Variants in CCDC171 observed in about 807,000 individuals in gnomAD.
The protein encoded by CCDC171 is coiled-coil domain containing 171.
Under a neutral mutation model 168.2 loss-of-function variants are expected in CCDC171, and 177 were observed. The observed-to-expected ratio is 1.05, with a 90% CI of 0.93 to 1.19. CCDC171 has a LOEUF of 1.19. CCDC171 is among the 50% of genes most tolerant of loss of function. The probability of loss-of-function intolerance (pLI) is 0.00; values close to 1 mark genes in which losing one functional copy is unlikely to be tolerated. For synonymous variants in CCDC171, 687 were observed against 540.8 expected (o/e 1.27, Z -3.75); for missense variants, 1,991 against 1,539.0 (o/e 1.29, Z -4.91).
At chr9:15,708,001 C>G (rs909674351) in intron 11 of CCDC171, among the ~76,000 whole-genome samples, 2 of 152,172 alleles carry the variant, frequency 1.3e-5, no homozygotes, top group East Asian at 3.9e-4. Flanking sequence ...GCATCCAGCA[C>G]TACGCCTGGC....
chr9:15,872,836 A>T (rs2131202267), intron 23 of CCDC171, among the ~76,000 whole-genome samples: 1 of 152,148 alleles, frequency 6.6e-6, no homozygotes, highest in East Asian at 1.9e-4. Context: ...ATCTGAGTGC[A>T]CATTGGTGAC....
chr9:15,748,290 A>T (rs908598742), intron 18 of CCDC171, among the ~76,000 whole-genome samples: 40 of 152,236 alleles, frequency 2.6e-4, no homozygotes, highest in Non-Finnish European at 5.3e-4. Context: ...AGTAAAAAAA[A>T]TGAACAAAGC....
chr9:16,106,214 A>G, the CCDC171 span, among the ~76,000 whole-genome samples: 1 of 152,230 alleles, frequency 6.6e-6, no homozygotes, highest in Non-Finnish European at 1.5e-5. Context: ...GAAAGGCTCC[A>G]TGTTTTTGTG....
At chr9:15,994,341 A>T (rs1344098486) in intron 3 of CCDC171, among the ~76,000 whole-genome samples, 2 of 152,206 alleles carry the variant, frequency 1.3e-5, no homozygotes, top group Non-Finnish European at 2.9e-5. Flanking sequence ...CAAGGACAAA[A>T]ATCCAAACAC....
At chr9:15,584,936 A>G (rs529389371) in intron 4 of CCDC171, among the ~76,000 whole-genome samples, 1 of 152,316 alleles carries the variant, frequency 6.6e-6, no homozygotes, top group African/African-American at 2.4e-5. Flanking sequence ...GAGTCAAACA[A>G]TTTCAACAGA....
intron 2 of CCDC171, among the ~76,000 whole-genome samples, chr9:15,567,278 C>T (rs1401824589): frequency 1.3e-5 from 2 of 152,122 alleles, no homozygotes; most frequent in Admixed American, 6.5e-5. Context: ...CCTCAGCCTC[C>T]CACAGTGCTG....
At chr9:15,999,264 GAGAA>G (rs1052096957) in intron 3 of CCDC171, among the ~76,000 whole-genome samples, 121 of 146,178 alleles carry the variant, frequency 8.3e-4, no homozygotes, top group Middle Eastern at 3.5e-3. Flanking sequence ...AAGAGAGAAA[GAGAA>G]AGAAAGAAAG....
At chr9:16,063,712 T>C (rs1833960798), downstream of CCDC171, among the ~76,000 whole-genome samples, 1 of 152,202 alleles carries the variant, frequency 6.6e-6, no homozygotes, top group African/African-American at 2.4e-5. Flanking sequence ...TGCCTTTTGT[T>C]CATAGATAGT....
intron 24 of CCDC171, among the ~76,000 whole-genome samples, chr9:15,880,245 T>C (rs935523262): frequency 6.6e-6 from 1 of 152,202 alleles, no homozygotes; most frequent in African/African-American, 2.4e-5. Context: ...ATCATTTTAA[T>C]AGTAAGTTAT....
rs1267650068 is a variant in CCDC171 at position 15,742,942 on chromosome 9, T to C, written c.2050-1331T>C. 2.6e-5 allele frequency among the ~76,000 whole-genome samples: 4 copies of C among 152,046 alleles called. No homozygotes were observed. In the East Asian group the frequency reaches 7.7e-4, roughly 29 times the overall value. The stretch of plus-strand genomic sequence containing the variant: ...CACATACCACCCTACTTGGCTGATA[T>C]TTTTAAATTTTTTTTTTGTAGAGAC... On this transcript the variant is annotated intron_variant, in intron 16 of 25. Coordinates refer to ENST00000380701, the MANE Select transcript of CCDC171 (RefSeq NM_173550.4).
intron 4 of CCDC171, among the ~76,000 whole-genome samples, chr9:15,590,767 CTTTCTCTTTCTTTCTT>C (rs1233255369): frequency 1.8e-5 from 2 of 113,642 alleles, no homozygotes; most frequent in African/African-American, 6.0e-5. Context: ...TTCTTTCTTT[CTTTCTCTTTCTTTCTT>C]TCTTTCTTTC....
chr9:15,845,304 C>A (rs949621323), intron 21 of CCDC171, among the ~76,000 whole-genome samples: 31 of 151,980 alleles, frequency 2.0e-4, no homozygotes, highest in Admixed American at 2.0e-3. Flanking sequence ...TTGTGAAGAT[C>A]TGTTAATAGT....
chr9:15,663,063 G>A (rs2048448748), intron 8 of CCDC171, among the ~76,000 whole-genome samples: 1 of 152,200 alleles, frequency 6.6e-6, no homozygotes, highest in African/African-American at 2.4e-5. Flanking sequence ...CCGCAAAGTA[G>A]ATAGTCTAGT....
At chr9:16,050,914 C>T (rs1390286650) in intron 1 of CCDC171, among the ~76,000 whole-genome samples, 3 of 152,154 alleles carry the variant, frequency 2.0e-5, no homozygotes, top group Admixed American at 6.5e-5. Context: ...CAATTACCAA[C>T]CATAGTGAAG....
At chr9:15,805,546 T>C (rs2059034303) in intron 21 of CCDC171, among the ~76,000 whole-genome samples, 1 of 152,152 alleles carries the variant, frequency 6.6e-6, no homozygotes, top group African/African-American at 2.4e-5. Flanking sequence ...CATGTAATTG[T>C]GTGTTTTCCA....
intron 24 of CCDC171, among the ~76,000 whole-genome samples, chr9:15,917,345 A>G (rs1824669498): frequency 6.6e-6 from 1 of 151,802 alleles, no homozygotes; most frequent in African/African-American, 2.4e-5. Context: ...TGTATTGATC[A>G]TTGTACCTTG....
intron 21 of CCDC171, among the ~76,000 whole-genome samples, chr9:15,843,891 T>A (rs2060791795): frequency 6.6e-6 from 1 of 152,122 alleles, no homozygotes; most frequent in Non-Finnish European, 1.5e-5. Flanking sequence ...GGATCTTCAT[T>A]CTTCTCCCCA....
In CCDC171 at chr9:15,745,000, A is replaced by G. The variant is rs1042866007; in HGVS notation, c.2554+223A>G. Among the ~76,000 whole-genome samples, 130 of 152,276 alleles carry G rather than the reference A, an allele frequency of 8.5e-4. 1 individual carries two copies. Among genetic ancestry groups the G allele is most frequent in the African/African-American group, 2.8e-3 (117 of 41,558 alleles). The stretch of plus-strand genomic sequence containing the variant: ...AACAGGTTAAAATATTAGGTGGCAA[A>G]TATATATAATTTCAACTTTGTCTTG... On this transcript the variant is annotated intron_variant, in intron 17 of 25. Transcript: ENST00000380701.
At chr9:15,689,760 C>T (rs193217911) in intron 10 of CCDC171, among the ~76,000 whole-genome samples, 5 of 152,132 alleles carry the variant, frequency 3.3e-5, no homozygotes, top group East Asian at 1.9e-4. Flanking sequence ...TGAGAAAGAA[C>T]CATAAAGTTG....
Sources: allele counts gnomAD v4.1 joint callset (sites outside exome capture counted in the v4.1 genomes callset), GRCh38; gene constraint gnomAD v4.1.1; transcripts MANE v1.5; gene names NCBI Gene and HGNC (gene_info 2026-07-23, HGNC 2026-07-21).